ZAN: variants seen among roughly 807,000 people sequenced by gnomAD.
The protein encoded by ZAN is zonadhesin (gene/pseudogene).
ZAN carries 260 observed loss-of-function variants against 286.2 expected under a neutral mutation model. The ratio of observed to expected loss-of-function variants is 0.91; its 90% CI spans 0.82 to 1.01. The LOEUF (loss-of-function observed/expected upper bound fraction) is 1.01. Among genes scored for constraint, ZAN ranks in the 50% least tolerant of loss-of-function variants. The probability of loss-of-function intolerance (pLI) is 0.00; values close to 1 mark genes in which losing one functional copy is unlikely to be tolerated. For missense variants in ZAN, 3,410 were observed against 3,639.2 expected, an observed-to-expected ratio of 0.94 and a Z score of 1.62; for synonymous variants, 1,368 against 1,417.5, an observed-to-expected ratio of 0.97 and a Z score of 0.79.
chr7:100,765,735 G>A (rs55780348), intron 23 of ZAN, among the ~76,000 whole-genome samples, 181 bp downstream of exon 23: 44,104 of 151,896 alleles, frequency 0.29, 6,592 homozygotes, highest in South Asian at 0.44. Context: ...TGCAACTTCC[G>A]CCTCCTGGGT....
At chr7:100,780,531 G>A (rs1811128165) in intron 35 of ZAN, among the ~76,000 whole-genome samples, 1 of 151,746 alleles carries the variant, frequency 6.6e-6, no homozygotes, top group Non-Finnish European at 1.5e-5. Context: ...CAAACTAGCT[G>A]GGTATGGTGG....
chr7:100,755,111 A>G (rs1809047691), intron 14 of ZAN, 115 bp from the exon 15 acceptor site: 2 of 1,277,234 alleles, frequency 1.6e-6, no homozygotes, highest in Non-Finnish European at 2.2e-6. Context: ...TTATGGCTAA[A>G]TAATATGGTC....
intron 23 of ZAN, 44 bp downstream of exon 23, chr7:100,765,598 C>T: frequency 6.5e-7 from 1 of 1,541,872 alleles, no homozygotes; most frequent in Non-Finnish European, 8.8e-7. Context: ...CTAGAAAGGG[C>T]CTGCTCCCTG....
intron 8 of ZAN, 122 bp downstream of exon 8, chr7:100,746,824 TC>T (rs994904463): frequency 1.7e-6 from 2 of 1,204,718 alleles, no homozygotes; most frequent in African/African-American, 3.1e-5. Flanking sequence ...GCGAGACTAT[TC>T]CATGAAGTGG....
intron 15 of ZAN, 33 bp from the exon 16 acceptor site, chr7:100,758,169 A>G: frequency 6.3e-7 from 1 of 1,595,746 alleles, no homozygotes; most frequent in South Asian, 1.1e-5. Context: ...TAGGAGCTAT[A>G]TGACTGTGTG....
In ZAN at chr7:100,734,278, G is replaced by T; in HGVS notation, c.53+57G>T. ...AGGGTCAGCTGAGGGTGGCTGTAAGGAATATGGAAGGACAGAGCTGGAGGG... is the reference window on the plus strand; with the variant it reads ...AGGGTCAGCTGAGGGTGGCTGTAAGTAATATGGAAGGACAGAGCTGGAGGG... On this transcript the variant is annotated intron_variant, in intron 2 of 47. Transcript: ENST00000613979. The T allele has an allele frequency of 3.3e-6, 4 of 1,203,986 alleles. 1 individual carries two copies. The highest frequency in any genetic ancestry group is 4.6e-6 in the Non-Finnish European group (4 of 865,492). 74.6% of individuals were successfully genotyped at this position (1,203,986 alleles called of 1,614,324 possible).
intron 11 of ZAN, among the ~76,000 whole-genome samples, chr7:100,750,141 CT>C (rs1298389421): frequency 6.7e-6 from 1 of 149,758 alleles, no homozygotes; most frequent in African/African-American, 2.5e-5. Context: ...TTGTTATTCC[CT>C]TTTTTTCTTT....
In ZAN at chr7:100,736,569, C is replaced by T. The variant is rs200760090; in HGVS notation, c.193C>T (p.Arg65Ter). 3.2e-5 allele frequency: 48 copies of T among 1,522,622 alleles called. 11 individuals are homozygous for T. The highest frequency in any genetic ancestry group is 1.4e-4 in the Admixed American group (8 of 57,470). The allele number at this position is 1,522,622 out of a possible 1,614,324, so 94.3% of individuals were successfully genotyped here. A position where few individuals can be genotyped will look rare whatever the true frequency, so the allele number is the denominator to read the frequency against. ...QVSADDEDWVRASGPSPTGST... is the reference protein window; with the variant it reads ...QVSADDEDWV ...GTCCGCAGACGATGAAGACTGGGTT[C>T]GAGCCAGTGGGCCCTCTCCCACCGG... The change falls in exon 4 of 48, where the codon CGA becomes TGA. Residue 65 changes from arginine (R) to a stop codon, truncating the protein, a stop_gained. Coordinates refer to ENST00000613979, the MANE Select transcript of ZAN (RefSeq NM_003386.3). LOFTEE classifies it high-confidence loss of function.
Position 100,736,522 on chromosome 7 carries a change from C to G in ZAN, c.146C>G (p.Pro49Arg). The G allele has an allele frequency of 6.6e-7, 1 of 1,524,020 alleles. No individual in the cohort carries two copies. The highest frequency in any genetic ancestry group is 9.0e-7 in the Non-Finnish European group (1 of 1,108,096). The allele number at this position is 1,524,020 out of a possible 1,614,324, so 94.4% of individuals were successfully genotyped here. The part of the protein sequence containing the change: ...TQCDFEDDAK[P>R]LCDWSQVSAD... ...TGTGATTTTGAGGATGACGCCAAAC[C>G]CCTCTGTGACTGGTCCCAAGTGTCC... The change falls in exon 4 of 48, where the codon CCC becomes CGC. Residue 49 changes from proline (P) to arginine (R), a missense_variant. This residue lies in a region of ZAN where 872 missense variants were observed against 938.9 expected (regional missense o/e 0.93). Coordinates refer to ENST00000613979, the MANE Select transcript of ZAN (RefSeq NM_003386.3).
chr7:100,753,482 TGTTA>T (rs1808928979), intron 14 of ZAN, among the ~76,000 whole-genome samples: 1 of 152,074 alleles, frequency 6.6e-6, no homozygotes, highest in Non-Finnish European at 1.5e-5. Flanking sequence ...TCTCGTTGTT[TGTTA>T]TTGAGATATA....
chr7:100,792,982 C>CAAAAAAAAA (rs1232116032), intron 42 of ZAN, among the ~76,000 whole-genome samples: 20 of 50,932 alleles, frequency 3.9e-4, no homozygotes, highest in African/African-American at 6.2e-4. Context: ...CATCCTATCT[C>CAAAAAAAAA]AAAAAAAAAA....
At chr7:100,774,820 C>T (rs545157649) in intron 31 of ZAN, among the ~76,000 whole-genome samples, 2 of 143,034 alleles carry the variant, frequency 1.4e-5, no homozygotes, top group South Asian at 2.3e-4. Flanking sequence ...AGAGAGAGAC[C>T]ATGTCTCAAA....
chr7:100,738,992 CTT>C (rs1807551316), intron 7 of ZAN, among the ~76,000 whole-genome samples: 1 of 42,856 alleles, frequency 2.3e-5, no homozygotes, highest in Non-Finnish European at 5.5e-5. Flanking sequence ...TCTCCCTCTC[CTT>C]CTCCTTCTCC....
Position 100,797,561 on chromosome 7 carries a change from C to T in ZAN, c.8367-16C>T. On this transcript the variant is annotated splice_polypyrimidine_tract_variant and intron_variant, in intron 46 of 47. Coordinates refer to ENST00000613979, the MANE Select transcript of ZAN (RefSeq NM_003386.3). The stretch of plus-strand genomic sequence containing the variant: ...GGCCACTTGGGGACCCATGTCTATT[C>T]CCCCATGCCTTCTAGAGAGAAAACG... 1.2e-6 allele frequency: 2 copies of T among 1,613,802 alleles called. No homozygotes were observed. Among genetic ancestry groups the T allele is most frequent in the East Asian group, 2.2e-5 (1 of 44,874 alleles).
At chr7:100,774,488 T>C (rs962258278) in intron 31 of ZAN, among the ~76,000 whole-genome samples, 2 of 151,982 alleles carry the variant, frequency 1.3e-5, no homozygotes, top group African/African-American at 2.4e-5. Context: ...CTGGGCAACA[T>C]AGTGAGACCC....
Position 100,739,114 on chromosome 7 carries a change from C to A in ZAN, c.766+501C>A, listed in dbSNP as rs552760179. ...GCAACCTCTGCCTCCTGGGTTTAAG[C>A]AATTCTCCTGCCTCAACCTCCCAAG... is the stretch of plus-strand genomic sequence containing the variant. On this transcript the variant is annotated intron_variant, in intron 7 of 47. Transcript: ENST00000613979. Among the ~76,000 whole-genome samples, 23 of 133,206 alleles carry A rather than the reference C, an allele frequency of 1.7e-4. 3 individuals carry two copies. In the South Asian group the frequency reaches 5.5e-3, roughly 32 times the overall value. The allele number at this position is 133,206 out of a possible 152,430, so 87.4% of individuals were successfully genotyped here. A position where few individuals can be genotyped will look rare whatever the true frequency, so the allele number is the denominator to read the frequency against.
At position 100,759,929 on chromosome 7, in the gene ZAN, G is replaced by A. The variant is rs116717036; in HGVS notation, c.3696+84G>A. 1,343 of 1,507,542 alleles carry A rather than the reference G, an allele frequency of 8.9e-4. 17 individuals carry two copies. In the African/African-American group the frequency reaches 0.016, roughly 18 times the overall value. The allele number at this position is 1,507,542 out of a possible 1,614,324, so 93.4% of individuals were successfully genotyped here. A position where few individuals can be genotyped will look rare whatever the true frequency, so the allele number is the denominator to read the frequency against. Reference sequence around the variant, plus strand: ...CCTTCCAATCCCTGAACCTTTCCACGGATGGGGTTCAACAAGACAGTGACC... The same window carrying A: ...CCTTCCAATCCCTGAACCTTTCCACAGATGGGGTTCAACAAGACAGTGACC... On this transcript the variant is annotated intron_variant, in intron 18 of 47. Transcript: ENST00000613979.
At chr7:100,767,366 G>A in intron 25 of ZAN, 109 bp downstream of exon 25, 2 of 1,476,242 alleles carry the variant, frequency 1.4e-6, no homozygotes, top group Non-Finnish European at 1.8e-6. Flanking sequence ...TAGAGCACCT[G>A]GGAAGCACCT....
rs1374088673 is a variant in ZAN, at chr7:100,736,792, G to A, written c.254-17G>A. On this transcript the variant is annotated splice_polypyrimidine_tract_variant and intron_variant, in intron 4 of 47. Transcript: ENST00000613979. Reference sequence around the variant, plus strand: ...GAGGTGGCTGGGCCTCAGTGTCTTGGGCTCTGCCTCCCCCAGAGGGCAGCT... The same window carrying A: ...GAGGTGGCTGGGCCTCAGTGTCTTGAGCTCTGCCTCCCCCAGAGGGCAGCT... 4.1e-6 allele frequency: 6 copies of A among 1,464,830 alleles called. 1 individual carries two copies. The highest frequency in any genetic ancestry group is 1.4e-5 in the African/African-American group (1 of 70,114). The allele number at this position is 1,464,830 out of a possible 1,614,324, so 90.7% of individuals were successfully genotyped here. A position where few individuals can be genotyped will look rare whatever the true frequency, so the allele number is the denominator to read the frequency against.
Sources: gnomAD v4.1 joint callset for allele counts (sites outside exome capture counted in the v4.1 genomes callset) on GRCh38, gnomAD v4.1.1 for gene constraint, gnomAD v4.1.1 regional missense constraint, MANE v1.5 for transcripts, NCBI Gene and HGNC (gene_info 2026-07-23, HGNC 2026-07-21) for gene names.